NELL1: variants seen among roughly 807,000 people sequenced by gnomAD.
NELL1 encodes the protein neural EGFL like 1, also known as protein kinase C-binding protein NELL1.
Under a neutral mutation model 107.4 loss-of-function variants are expected in NELL1, and 76 were observed. The observed-to-expected ratio is 0.71, with a 90% CI of 0.59 to 0.86. The LOEUF (loss-of-function observed/expected upper bound fraction) is 0.86, where lower values mean the gene tolerates loss of function less well. Ranked by LOEUF, NELL1 falls within the 40% of genes least tolerant of loss-of-function variation. The pLI is 0.00. For missense variants in NELL1, 1,024 were observed against 1,005.5 expected, an observed-to-expected ratio of 1.02 and a Z score of -0.25; for synonymous variants, 353 against 341.2, an observed-to-expected ratio of 1.03 and a Z score of -0.38.
At chr11:20,988,752 A>AT (rs947988001) in intron 12 of NELL1, among the ~76,000 whole-genome samples, 74 of 146,324 alleles carry the variant, frequency 5.1e-4, no homozygotes, top group African/African-American at 1.2e-3. Context: ...CACCACACCT[A>AT]TTTTTTTTTT....
intron 14 of NELL1, among the ~76,000 whole-genome samples, chr11:21,336,332 C>T (rs1267446595): frequency 2.0e-5 from 3 of 152,002 alleles, no homozygotes; most frequent in African/African-American, 4.8e-5. Flanking sequence ...ACTCTCCATA[C>T]GTTTGTACCC....
intron 14 of NELL1, among the ~76,000 whole-genome samples, chr11:21,254,600 A>G (rs1858723200): frequency 1.3e-5 from 2 of 152,094 alleles, no homozygotes; most frequent in Admixed American, 1.3e-4. Flanking sequence ...ACTGCCTGGA[A>G]ATTCGTGTTT....
intron 14 of NELL1, among the ~76,000 whole-genome samples, chr11:21,300,827 A>G (rs1319236150): frequency 2.6e-5 from 4 of 152,050 alleles, no homozygotes; most frequent in Admixed American, 6.6e-5. Context: ...ATATGTATAC[A>G]TGTCCCATGT....
chr11:21,170,989 G>A (rs941113455), intron 13 of NELL1, among the ~76,000 whole-genome samples: 15 of 151,700 alleles, frequency 9.9e-5, no homozygotes, highest in Non-Finnish European at 1.9e-4. Context: ...GCACATAACT[G>A]TTTTTAGAGA....
chr11:20,715,204 C>A (rs1461449712), intron 2 of NELL1, among the ~76,000 whole-genome samples: 1 of 151,724 alleles, frequency 6.6e-6, no homozygotes, highest in Non-Finnish European at 1.5e-5. Flanking sequence ...GACATCGCGC[C>A]ATTGCATGCC....
intron 1 of NELL1, among the ~76,000 whole-genome samples, chr11:20,671,770 G>A (rs1853915487): frequency 7.5e-6 from 1 of 132,572 alleles, no homozygotes; most frequent in Non-Finnish European, 1.7e-5. Context: ...TTTACAGATT[G>A]ATGGGGGGGG....
chr11:21,103,349 G>A (rs763035018), intron 12 of NELL1, among the ~76,000 whole-genome samples: 13 of 152,124 alleles, frequency 8.5e-5, no homozygotes, highest in Non-Finnish European at 1.5e-4. Flanking sequence ...AATTGCTATC[G>A]AATTAACCAA....
At chr11:20,958,130 C>A in intron 11 of NELL1, among the ~76,000 whole-genome samples, 1 of 151,962 alleles carries the variant, frequency 6.6e-6, no homozygotes, top group East Asian at 1.9e-4. Flanking sequence ...AAACAAACCC[C>A]AACAAGGCTG....
chr11:21,316,736 T>G (rs1035969977), intron 14 of NELL1, among the ~76,000 whole-genome samples: 2 of 152,150 alleles, frequency 1.3e-5, no homozygotes, highest in African/African-American at 4.8e-5. Flanking sequence ...AGGTGGCATT[T>G]CTGCTGGGTC....
intron 13 of NELL1, among the ~76,000 whole-genome samples, chr11:21,186,828 G>A (rs1323850841): frequency 1.3e-5 from 2 of 151,738 alleles, no homozygotes; most frequent in South Asian, 2.1e-4. Flanking sequence ...TAGGAGAAAG[G>A]GAAAAATAAA....
At chr11:21,534,794 C>T (rs1856092952) in intron 16 of NELL1, among the ~76,000 whole-genome samples, 1 of 152,016 alleles carries the variant, frequency 6.6e-6, no homozygotes, top group Non-Finnish European at 1.5e-5. Context: ...TTAATTCTTT[C>T]TAAGGAAAAC....
chr11:20,684,329 T>A (rs1055702613), intron 2 of NELL1, among the ~76,000 whole-genome samples: 1 of 152,128 alleles, frequency 6.6e-6, no homozygotes, highest in Non-Finnish European at 1.5e-5. Context: ...TCTCTGTGTA[T>A]AATTTTTGAT....
chr11:21,290,878 A>G (rs1849241898), intron 14 of NELL1, among the ~76,000 whole-genome samples: 2 of 152,210 alleles, frequency 1.3e-5, no homozygotes, highest in African/African-American at 4.8e-5. Flanking sequence ...ATCCATGAAG[A>G]TGAGGAAAAA....
At chr11:20,730,324 G>A (rs66658422) in intron 2 of NELL1, among the ~76,000 whole-genome samples, 18,244 of 152,166 alleles carry the variant, frequency 0.12, 1,205 homozygotes, top group Non-Finnish European at 0.15. Flanking sequence ...CAGTGAGCCT[G>A]TAAACTGCCT....
chr11:21,506,917 A>G (rs1322270669), intron 15 of NELL1, among the ~76,000 whole-genome samples: 1 of 152,170 alleles, frequency 6.6e-6, no homozygotes, highest in African/African-American at 2.4e-5. Context: ...TTGCCTAAGG[A>G]AAAAGTAGAA....
chr11:21,481,458 G>C (rs929742113), intron 15 of NELL1, among the ~76,000 whole-genome samples: 3 of 152,300 alleles, frequency 2.0e-5, no homozygotes, highest in Admixed American at 6.5e-5. Context: ...GATGATTGAT[G>C]TTAGTAGCAG....
chr11:20,820,415 G>C (rs563566735), intron 3 of NELL1, among the ~76,000 whole-genome samples: 7 of 152,180 alleles, frequency 4.6e-5, no homozygotes, highest in African/African-American at 1.7e-4. Flanking sequence ...GTACCCTTGT[G>C]AGAGGCAGGT....
intron 12 of NELL1, among the ~76,000 whole-genome samples, chr11:20,977,565 G>T (rs959444155): frequency 6.6e-6 from 1 of 152,148 alleles, no homozygotes; most frequent in African/African-American, 2.4e-5. Context: ...CACCCGGCTG[G>T]CAAATTAAAT....
intron 2 of NELL1, among the ~76,000 whole-genome samples, chr11:20,689,438 C>T: frequency 9.7e-6 from 1 of 102,614 alleles, no homozygotes; most frequent in Non-Finnish European, 1.9e-5. Context: ...CTCCCCCCTC[C>T]CCCCACCCCA....
Sources: allele counts gnomAD v4.1 joint callset (sites outside exome capture counted in the v4.1 genomes callset), GRCh38; gene constraint gnomAD v4.1.1; transcripts MANE v1.5; gene names NCBI Gene and HGNC (gene_info 2026-07-23, HGNC 2026-07-21).